The following MORC2 variants were observed in gnomAD, a reference collection of about 807,000 sequenced individuals.
MORC2 encodes the protein ATPase MORC2.
Under a neutral mutation model 136.0 loss-of-function variants are expected in MORC2, and 30 were observed. The observed-to-expected ratio is 0.22, with a 90% CI of 0.17 to 0.30. The LOEUF is 0.30. Among genes scored for constraint, MORC2 ranks in the 10% least tolerant of loss-of-function variants. The pLI is 1.00. For synonymous variants in MORC2, 439 were observed against 487.0 expected, an observed-to-expected ratio of 0.90 and a Z score of 1.30; for missense variants, 922 against 1,333.1, an observed-to-expected ratio of 0.69 and a Z score of 4.80.
chr22:30,952,511 G>A (rs978822847), intron 3 of MORC2, among the ~76,000 whole-genome samples: 3 of 152,140 alleles, frequency 2.0e-5, no homozygotes, highest in African/African-American at 4.8e-5. Context: ...AAGCTTTTTC[G>A]TGTAGTTTAA....
chr22:30,946,268 T>C, intron 6 of MORC2, 73 bp downstream of exon 6: 2 of 1,180,730 alleles, frequency 1.7e-6, no homozygotes, highest in South Asian at 2.9e-5. Flanking sequence ...GCATTGCAAA[T>C]AACCTACGAA....
At chr22:30,947,696 C>T (rs2040838402) in intron 5 of MORC2, among the ~76,000 whole-genome samples, 1 of 152,182 alleles carries the variant, frequency 6.6e-6, no homozygotes, top group Non-Finnish European at 1.5e-5. Flanking sequence ...AAATTTCACA[C>T]ACCACCTCCT....
chr22:30,935,258 G>T lies in MORC2; in HGVS notation c.1802C>A (p.Pro601His), dbSNP rs764568031. 6.2e-7 allele frequency: 1 copy of T among 1,613,622 alleles called. No homozygotes were observed. Among genetic ancestry groups the T allele is most frequent in the Non-Finnish European group, 8.5e-7 (1 of 1,179,874 alleles). ...KKLPLEVTTR[P>H]STEEPVRRPQ... is the part of the protein sequence containing the mutation. Reference sequence around the variant, plus strand: ...GCCCCTGGACTTCACCTCAGTGGAAGGTCTGGTGGTCACTTCCAAGGGCAA... The same window carrying T: ...GCCCCTGGACTTCACCTCAGTGGAATGTCTGGTGGTCACTTCCAAGGGCAA... The change falls in exon 18 of 26, where the codon CCT becomes CAT. Residue 601 changes from proline to histidine, a missense_variant. Around this residue, in one of 9 missense-constraint regions of MORC2, gnomAD observed 184 missense variants for 180.3 expected, o/e 1.02. Transcript: ENST00000397641.
rs978305589 is a variant in MORC2, at chr22:30,935,039, A to C, written c.1935T>G (p.Pro645=). 20 of 1,613,882 alleles carry C rather than the reference A, an allele frequency of 1.2e-5. No individual in the cohort carries two copies. The Admixed American group carries it at 2.5e-4, about 20-fold the overall frequency. The change falls in exon 19 of 26, where the codon CCT becomes CCG. Residue 645 remains proline, a synonymous_variant. Transcript: ENST00000397641. ...GGAGCTTTGGGGTACTGCTGATGACAGGAGCCTTTCGGGGCTGGCTGGCTG... is the reference window on the plus strand; with the variant it reads ...GGAGCTTTGGGGTACTGCTGATGACCGGAGCCTTTCGGGGCTGGCTGGCTG... ...PRPASQPRKA[P]VISSTPKLPA... is the part of the protein sequence containing the mutation.
chr22:30,966,531 T>C (rs1449827382), intron 1 of MORC2, among the ~76,000 whole-genome samples: 1 of 152,090 alleles, frequency 6.6e-6, no homozygotes, highest in African/African-American at 2.4e-5. Flanking sequence ...TCCCAGCACT[T>C]TGGGAGGCCA....
At chr22:30,959,396 A>G (rs2147310709) in intron 1 of MORC2, among the ~76,000 whole-genome samples, 1 of 152,360 alleles carries the variant, frequency 6.6e-6, no homozygotes, top group Middle Eastern at 3.4e-3. Flanking sequence ...CCAAAATCTG[A>G]GAAAGTCATA....
At chr22:30,940,176 G>A in intron 10 of MORC2, 135 bp from the exon 11 acceptor site, 1 of 829,496 alleles carries the variant, frequency 1.2e-6, no homozygotes, top group Non-Finnish European at 1.9e-6. Context: ...TATGGCTGGT[G>A]AGCAATGTGA....
At chr22:30,967,176 T>G in intron 1 of MORC2, 1 of 985,490 alleles carries the variant, frequency 1.0e-6, no homozygotes, top group Non-Finnish European at 1.2e-6. Context: ...TTCCAGACCA[T>G]GTTGGAGTGA....
chr22:30,945,241 G>A (rs1318795185), intron 6 of MORC2, among the ~76,000 whole-genome samples: 9 of 152,076 alleles, frequency 5.9e-5, no homozygotes, highest in African/African-American at 1.7e-4. Flanking sequence ...CAGCTGCCAC[G>A]CTTCTCTCAC....
At position 30,933,983 on chromosome 22, in the gene MORC2, A is replaced by ATGGGGGGTGCAGACTGCTGG. The variant is rs2040615890; in HGVS notation, c.2325+57_2325+76dup. 1.5e-5 allele frequency: 23 copies of ATGGGGGGTGCAGACTGCTGG among 1,500,074 alleles called. No homozygotes were observed. The East Asian group carries it at 2.5e-4, about 16-fold the overall frequency. The allele number at this position is 1,500,074 out of a possible 1,614,324, so 92.9% of individuals were successfully genotyped here. A position where few individuals can be genotyped will look rare whatever the true frequency, so the allele number is the denominator to read the frequency against. On this transcript the variant is annotated intron_variant, in intron 20 of 25. Transcript: ENST00000397641. ...TGCTGGTGGATGGTATAGACTGCTG[A>ATGGGGGGTGCAGACTGCTGG]TGGGGGGTGCAGACTGCTGGTGGGG... is the stretch of plus-strand genomic sequence containing the variant.
rs1429023208 is a variant in MORC2 at position 30,968,773 on chromosome 22, C to A, written c.-884G>T. Among the ~76,000 whole-genome samples, 2 of 152,100 alleles carry A rather than the reference C, an allele frequency of 1.3e-5. No homozygotes were observed. The highest frequency in any genetic ancestry group is 2.9e-5 in the Non-Finnish European group (2 of 67,986). On this transcript the variant is annotated 5_prime_UTR_variant, in exon 1 of 26. Transcript: ENST00000397641. ...ACCGGGCACTACCCGGATCTCACAA[C>A]TGCCTTTGTCCCTCCCCGCGGAATT...
intron 3 of MORC2, among the ~76,000 whole-genome samples, chr22:30,954,885 T>C (rs2040943064): frequency 1.3e-5 from 2 of 151,970 alleles, no homozygotes; most frequent in Non-Finnish European, 2.9e-5. Flanking sequence ...TTACCATTCC[T>C]GAGAAAGCAC....
chr22:30,966,736 C>T (rs1373297159), intron 1 of MORC2, among the ~76,000 whole-genome samples: 1 of 152,074 alleles, frequency 6.6e-6, no homozygotes, highest in Non-Finnish European at 1.5e-5. Flanking sequence ...CAAGATTGCG[C>T]CACCCCACTC....
chr22:30,948,430 C>T (rs1456261373), intron 5 of MORC2, among the ~76,000 whole-genome samples: 1 of 152,184 alleles, frequency 6.6e-6, no homozygotes, highest in Non-Finnish European at 1.5e-5. Context: ...AGCCCCTACC[C>T]AGATCCACTG....
rs955512413 is a variant in MORC2 at position 30,933,913 on chromosome 22, C to T, written c.2325+147G>A. The T allele has an allele frequency of 2.5e-5, 23 of 933,966 alleles. No homozygotes were observed. The East Asian group carries it at 4.3e-4, about 17-fold the overall frequency. The allele number at this position is 933,966 out of a possible 1,614,324, so 57.9% of individuals were successfully genotyped here. On this transcript the variant is annotated intron_variant, in intron 20 of 25. Transcript: ENST00000397641. ...GACACGAATATAAACAGAGTTGGTG[C>T]AGACTGCTGGTGGGGGGGGTAGACT...
chr22:30,965,857 G>A (rs887121420), intron 1 of MORC2, among the ~76,000 whole-genome samples: 3 of 152,208 alleles, frequency 2.0e-5, no homozygotes, highest in Non-Finnish European at 4.4e-5. Context: ...TTGCTTTATA[G>A]ACAAGCAAAT....
intron 4 of MORC2, 40 bp downstream of exon 4, chr22:30,950,337 G>GCGGGGGGCCC: frequency 2.6e-6 from 2 of 761,706 alleles, no homozygotes; most frequent in African/African-American, 1.8e-5. Flanking sequence ...TGGTTACATC[G>GCGGGGGGCCC]CACCCCCCCA....
rs369530208 is a variant in MORC2 at position 30,926,791 on chromosome 22, T to C, written c.*12A>G. 1 of 1,610,510 alleles carries C rather than the reference T, an allele frequency of 6.2e-7. No homozygotes were observed. Among genetic ancestry groups the C allele is most frequent in the Non-Finnish European group, 8.5e-7 (1 of 1,177,492 alleles). ...GGGCAGGTGGGCAGGGGAGCTGCTC[T>C]CTCTCCTGCCTTCAGTCCCCCTTGG... On this transcript the variant is annotated 3_prime_UTR_variant, in exon 26 of 26. Transcript: ENST00000397641.
In MORC2 at chr22:30,955,774, C is replaced by T. The variant is rs565143743; in HGVS notation, c.157+989G>A. ...CTGTAATCCCAGCACTTTGGGAGGCCGAGGCAGGCAGATCACCTGAGGTCA... is the reference window on the plus strand; with the variant it reads ...CTGTAATCCCAGCACTTTGGGAGGCTGAGGCAGGCAGATCACCTGAGGTCA... On this transcript the variant is annotated intron_variant, in intron 3 of 25. Coordinates refer to ENST00000397641, the MANE Select transcript of MORC2 (RefSeq NM_001303256.3). Among the ~76,000 whole-genome samples the T allele has an allele frequency of 2.4e-3, 372 of 151,888 alleles. 3 individuals are homozygous for T. The highest frequency in any genetic ancestry group is 8.3e-3 in the African/African-American group (342 of 41,402).
Sources: gnomAD v4.1 joint callset for allele counts (sites outside exome capture counted in the v4.1 genomes callset) on GRCh38, gnomAD v4.1.1 for gene constraint, gnomAD v4.1.1 regional missense constraint, MANE v1.5 for transcripts, NCBI Gene and HGNC (gene_info 2026-07-23, HGNC 2026-07-21) for gene names.